SNRPG: variants seen among roughly 807,000 people sequenced by gnomAD.
SNRPG encodes small nuclear ribonucleoprotein G.
In SNRPG, 3 loss-of-function variants were observed where a neutral mutation model predicts 13.9. That is an observed-to-expected ratio of 0.22 (90% CI 0.10 to 0.56). SNRPG has a LOEUF of 0.56. Among genes scored for constraint, SNRPG ranks in the 20% least tolerant of loss-of-function variants. The pLI, the probability that SNRPG is intolerant of heterozygous loss-of-function variation, is 0.93. For missense variants in SNRPG, 34 were observed against 96.1 expected, an observed-to-expected ratio of 0.35 and a Z score of 2.70; for synonymous variants, 29 against 29.3, an observed-to-expected ratio of 0.99 and a Z score of 0.03.
chr2:70,291,571 C>G lies in SNRPG; in HGVS notation c.32+2047G>C, dbSNP rs368907195. 9.9e-5 allele frequency among the ~76,000 whole-genome samples: 15 copies of G among 152,250 alleles called. No homozygotes were observed. The South Asian group carries it at 3.1e-3, about 32-fold the overall frequency. ...AGCCGGTAGCACCAGATTCCCTACTCCCCATTTAAGAACACCTGAGTTATG... is the reference window on the plus strand; with the variant it reads ...AGCCGGTAGCACCAGATTCCCTACTGCCCATTTAAGAACACCTGAGTTATG... On this transcript the variant is annotated intron_variant, in intron 1 of 3. Transcript: ENST00000272348.
intron 1 of SNRPG, among the ~76,000 whole-genome samples, chr2:70,290,117 TTAC>T (rs2104921834): frequency 6.6e-6 from 1 of 151,878 alleles, no homozygotes; most frequent in South Asian, 2.1e-4. Flanking sequence ...GCCGCTGGGA[TTAC>T]ACAGGCATGA....
At position 70,292,985 on chromosome 2, in the gene SNRPG, A is replaced by T. The variant is rs928462063; in HGVS notation, c.32+633T>A. On this transcript the variant is annotated intron_variant, in intron 1 of 3. Transcript: ENST00000272348. ...TGGGTGTGTAGAAAAAACTTCAAAA[A>T]ATTAGCCTTCTCTGACTAGAAAAAA... is the stretch of plus-strand genomic sequence containing the variant. The T allele has an allele frequency of 1.0e-5, 6 of 596,880 alleles. No homozygotes were observed. In the African/African-American group the frequency reaches 1.1e-4, roughly 11 times the overall value. The allele number at this position is 596,880 out of a possible 1,614,324, so 37.0% of individuals were successfully genotyped here. A position where few individuals can be genotyped will look rare whatever the true frequency, so the allele number is the denominator to read the frequency against.
At chr2:70,282,831 C>T (rs1333124144) in intron 3 of SNRPG, among the ~76,000 whole-genome samples, 2 of 152,060 alleles carry the variant, frequency 1.3e-5, no homozygotes, top group African/African-American at 2.4e-5. Context: ...TGGTGGCTCA[C>T]GCCTATAATC....
intron 3 of SNRPG, 39 bp from the exon 4 acceptor site, chr2:70,281,723 G>C: frequency 2.8e-6 from 3 of 1,071,256 alleles, no homozygotes; most frequent in Non-Finnish European, 4.3e-6. Flanking sequence ...GAACAACTCA[G>C]GTAACAGACA....
intron 3 of SNRPG, among the ~76,000 whole-genome samples, chr2:70,284,252 G>T (rs149360105): frequency 8.5e-5 from 13 of 152,216 alleles, no homozygotes; most frequent in African/African-American, 3.1e-4. Context: ...CTGCATCCTC[G>T]AACTCCTAGG....
At chr2:70,285,076 C>CT (rs1014424428) in intron 3 of SNRPG, among the ~76,000 whole-genome samples, 6 of 152,038 alleles carry the variant, frequency 3.9e-5, no homozygotes, top group Admixed American at 6.6e-5. Flanking sequence ...TCAAGTAACC[C>CT]TTTTTTTAAC....
At chr2:70,283,648 TCA>T (rs942167544) in intron 3 of SNRPG, among the ~76,000 whole-genome samples, 15 of 152,210 alleles carry the variant, frequency 9.9e-5, no homozygotes, top group African/African-American at 3.4e-4. Flanking sequence ...ATAAAAGAAC[TCA>T]CATGTGATTA....
chr2:70,289,799 A>G (rs976684762), intron 1 of SNRPG, among the ~76,000 whole-genome samples: 2 of 152,142 alleles, frequency 1.3e-5, no homozygotes, highest in African/African-American at 4.8e-5. Flanking sequence ...CAATAGAGCG[A>G]AACTGTCTCA....
intron 1 of SNRPG, among the ~76,000 whole-genome samples, chr2:70,290,714 G>A (rs573761961): frequency 1.1e-3 from 170 of 150,978 alleles, no homozygotes; most frequent in African/African-American, 2.9e-3. Context: ...GGCTGGGCGC[G>A]GTGGCTCATG....
intron 3 of SNRPG, 77 bp from the exon 4 acceptor site, chr2:70,281,761 C>G: frequency 6.3e-6 from 5 of 795,158 alleles, no homozygotes; most frequent in Non-Finnish European, 1.0e-5. Context: ...GAATTTTCAC[C>G]AAATCATTAA....
At position 70,287,309 on chromosome 2, in the gene SNRPG, T is replaced by G. The variant is rs573097212; in HGVS notation, c.180+759A>C. 3 of 702,728 alleles carry G rather than the reference T, an allele frequency of 4.3e-6. No individual in the cohort carries two copies. The Admixed American group carries it at 6.0e-5, about 14-fold the overall frequency. 43.5% of individuals were successfully genotyped at this position (702,728 alleles called of 1,614,324 possible). On this transcript the variant is annotated intron_variant, in intron 3 of 3. Transcript: ENST00000272348. ...TGCTTAATAATTTGCTAAAAGTAAG[T>G]TGTCCTTTTTGGTTCACCTTTTTCA...
At chr2:70,292,743 G>A (rs923187331) in intron 1 of SNRPG, 4 of 179,052 alleles carry the variant, frequency 2.2e-5, no homozygotes, top group Middle Eastern at 5.0e-4. Flanking sequence ...CACATGCTAC[G>A]CCAGAAAAAA....
intron 3 of SNRPG, among the ~76,000 whole-genome samples, chr2:70,283,288 A>T (rs1696860443): frequency 6.6e-6 from 1 of 151,946 alleles, no homozygotes; most frequent in Non-Finnish European, 1.5e-5. Flanking sequence ...TAATCGATAG[A>T]TCACCCATCA....
Position 70,292,499 on chromosome 2 carries a change from C to T in SNRPG, c.32+1119G>A, listed in dbSNP as rs543875263. On this transcript the variant is annotated intron_variant, in intron 1 of 3. Transcript: ENST00000272348. The stretch of plus-strand genomic sequence containing the variant: ...AATAGCTGAGACTACAGGCGCACAC[C>T]ACCTGCCTGGCTAATTTTTTGTATT... Among the ~76,000 whole-genome samples the T allele has an allele frequency of 1.4e-3, 216 of 152,228 alleles. 1 individual carries two copies. Among genetic ancestry groups the T allele is most frequent in the Non-Finnish European group, 2.5e-3 (170 of 68,026 alleles).
chr2:70,291,058 C>CACACACACAT (rs3222847), intron 1 of SNRPG, among the ~76,000 whole-genome samples: 3 of 136,130 alleles, frequency 2.2e-5, no homozygotes, highest in African/African-American at 8.5e-5. Flanking sequence ...CACACACACA[C>CACACACACAT]ATATATGAAG....
intron 1 of SNRPG, chr2:70,291,290 A>G (rs1697090409): frequency 6.6e-6 from 1 of 152,242 alleles, no homozygotes; most frequent in African/African-American, 2.4e-5. Context: ...CCTGAGTATT[A>G]GCAGCTAGAA....
At chr2:70,283,122 A>AAAAAAAAAAAAAAAAACAAC (rs1241967786) in intron 3 of SNRPG, among the ~76,000 whole-genome samples, 2 of 82,962 alleles carry the variant, frequency 2.4e-5, no homozygotes, top group Non-Finnish European at 5.0e-5. Context: ...AAAAAAAAAA[A>AAAAAAAAAAAAAAAAACAAC]AACAACAAAC....
intron 1 of SNRPG, among the ~76,000 whole-genome samples, chr2:70,290,965 C>T (rs1413820979): frequency 1.4e-5 from 2 of 147,820 alleles, no homozygotes; most frequent in East Asian, 4.0e-4. Context: ...GAGCCAAGAT[C>T]GCGCCACTGC....
At chr2:70,292,136 C>T (rs112438571) in intron 1 of SNRPG, among the ~76,000 whole-genome samples, 1,684 of 151,984 alleles carry the variant, frequency 0.011, 43 homozygotes, top group African/African-American at 0.038. Flanking sequence ...TTTATAGACA[C>T]GGGGTTTCAC....
Sources: allele counts gnomAD v4.1 joint callset (sites outside exome capture counted in the v4.1 genomes callset), GRCh38; gene constraint gnomAD v4.1.1; transcripts MANE v1.5; gene names NCBI Gene and HGNC (gene_info 2026-07-23, HGNC 2026-07-21).